Variants in MRPS31 observed in about 807,000 individuals in gnomAD.
MRPS31 encodes the protein small ribosomal subunit protein mS31.
Under a neutral mutation model 43.1 loss-of-function variants are expected in MRPS31, and 32 were observed. The observed-to-expected ratio is 0.74, with a 90% CI of 0.56 to 1.00. The LOEUF (loss-of-function observed/expected upper bound fraction) is 1.00. MRPS31 is among the 50% of genes least tolerant of loss of function. The pLI is 0.00. For synonymous variants in MRPS31, 165 were observed against 161.6 expected, an observed-to-expected ratio of 1.02 and a Z score of -0.16; for missense variants, 437 against 466.7, an observed-to-expected ratio of 0.94 and a Z score of 0.59.
intron 1 of MRPS31, 88 bp downstream of exon 1, chr13:40,770,897 T>A: frequency 6.6e-7 from 1 of 1,519,304 alleles, no homozygotes; most frequent in Non-Finnish European, 9.1e-7. Flanking sequence ...TTTAAAGCAA[T>A]AGCTTCTAAG....
intron 6 of MRPS31, among the ~76,000 whole-genome samples, chr13:40,736,531 G>C (rs1879913937): frequency 6.8e-6 from 1 of 146,312 alleles, no homozygotes; most frequent in Non-Finnish European, 1.5e-5. Context: ...CAGCCAGAGA[G>C]AAAGGTAGGG....
intron 3 of MRPS31, among the ~76,000 whole-genome samples, chr13:40,757,531 G>T (rs1039122759): frequency 7.2e-6 from 1 of 139,634 alleles, no homozygotes; most frequent in African/African-American, 2.7e-5. Context: ...TGCAACCTCT[G>T]CCTCCCGGGT....
At chr13:40,735,474 G>C (rs1308241680) in intron 6 of MRPS31, among the ~76,000 whole-genome samples, 1 of 152,122 alleles carries the variant, frequency 6.6e-6, no homozygotes, top group Non-Finnish European at 1.5e-5. Context: ...CACCTCTGGG[G>C]GCAGGGCGCA....
intron 2 of MRPS31, among the ~76,000 whole-genome samples, chr13:40,764,850 A>G (rs1880799066): frequency 6.6e-6 from 1 of 152,248 alleles, no homozygotes; most frequent in Admixed American, 6.5e-5. Flanking sequence ...ACTGTGTTCT[A>G]GTCAAATCGC....
At chr13:40,756,296 A>G (rs1173855815) in intron 4 of MRPS31, among the ~76,000 whole-genome samples, 1 of 152,266 alleles carries the variant, frequency 6.6e-6, no homozygotes, top group Non-Finnish European at 1.5e-5. Context: ...ATGCAAATAC[A>G]GAACAACTTT....
chr13:40,771,137 C>T lies in MRPS31; in HGVS notation c.-1G>A. On this transcript the variant is annotated 5_prime_UTR_variant, in exon 1 of 7. Coordinates refer to ENST00000323563, the MANE Select transcript of MRPS31 (RefSeq NM_005830.4). ...GGAACGTCGAGACTCTAGGAAACAT[C>T]GCCGAGACACGAAATGAACCAAGAA... 6.3e-7 allele frequency: 1 copy of T among 1,597,252 alleles called. No homozygotes were observed. Among genetic ancestry groups the T allele is most frequent in the Non-Finnish European group, 8.5e-7 (1 of 1,169,900 alleles).
chr13:40,758,456 ATACT>A (rs146106206), intron 3 of MRPS31, among the ~76,000 whole-genome samples: 4,664 of 152,288 alleles, frequency 0.031, 325 homozygotes, highest in East Asian at 0.27. Flanking sequence ...ACTGCTTACT[ATACT>A]TACTACTTAA....
chr13:40,757,611 A>AT (rs1351213246), intron 3 of MRPS31, among the ~76,000 whole-genome samples: 1 of 151,114 alleles, frequency 6.6e-6, no homozygotes, highest in Admixed American at 6.6e-5. Flanking sequence ...TGCCAGGCTA[A>AT]TTTTTTGTGT....
At chr13:40,763,870 C>T (rs907196053) in intron 2 of MRPS31, among the ~76,000 whole-genome samples, 1 of 152,158 alleles carries the variant, frequency 6.6e-6, no homozygotes, top group African/African-American at 2.4e-5. Context: ...GGCAAGAAAC[C>T]CAGGCCACAT....
At chr13:40,750,747 TATATATATATATATATATATATATATTAC>T (rs1196381493) in intron 5 of MRPS31, among the ~76,000 whole-genome samples, 3 of 75,492 alleles carry the variant, frequency 4.0e-5, no homozygotes, top group South Asian at 8.5e-4. Context: ...CCATTTTATA[TATATATATATATATATATATATATATTAC>T]ATATATATGT....
intron 1 of MRPS31, 151 bp downstream of exon 1, chr13:40,770,834 A>C (rs1880985658): frequency 1.0e-6 from 1 of 1,003,848 alleles, no homozygotes; most frequent in Non-Finnish European, 1.5e-6. Context: ...TTTCACGCAC[A>C]CTATGACCTT....
rs181371700 is a variant in MRPS31, at chr13:40,761,415, T to C, written c.441-2309A>G. 3.8e-3 allele frequency among the ~76,000 whole-genome samples: 578 copies of C among 152,366 alleles called. 1 individual carries two copies. Among genetic ancestry groups the C allele is most frequent in the Non-Finnish European group, 6.7e-3 (459 of 68,036 alleles). On this transcript the variant is annotated intron_variant, in intron 2 of 6. Transcript: ENST00000323563. ...TGTGAACTTCATTTTCAAATTTTAATATATTTGATCAAAGTATACACAGAA... is the reference window on the plus strand; with the variant it reads ...TGTGAACTTCATTTTCAAATTTTAACATATTTGATCAAAGTATACACAGAA...
intron 1 of MRPS31, 49 bp downstream of exon 1, chr13:40,770,936 G>A (rs1880989013): frequency 6.2e-7 from 1 of 1,612,362 alleles, no homozygotes. Flanking sequence ...TCGACCCCAG[G>A]AAGTCGGAGG....
chr13:40,736,637 A>G (rs1427302288), intron 6 of MRPS31, among the ~76,000 whole-genome samples: 1 of 150,696 alleles, frequency 6.6e-6, no homozygotes, highest in Non-Finnish European at 1.5e-5. Context: ...GAACATTCTT[A>G]AAGAAAAGAA....
chr13:40,737,683 G>T (rs949439292), intron 6 of MRPS31, among the ~76,000 whole-genome samples: 5 of 152,152 alleles, frequency 3.3e-5, no homozygotes, highest in Non-Finnish European at 7.3e-5. Context: ...GCTCTTCAAT[G>T]ACTACTGGGT....
intron 2 of MRPS31, among the ~76,000 whole-genome samples, chr13:40,763,695 G>A (rs1416356362): frequency 6.6e-6 from 1 of 152,128 alleles, no homozygotes; most frequent in Non-Finnish European, 1.5e-5. Context: ...CATCAAAAGG[G>A]AGATCTATCT....
At position 40,753,120 on chromosome 13, in the gene MRPS31, T is replaced by C. The variant is rs74044572; in HGVS notation, c.814+899A>G. Among the ~76,000 whole-genome samples, 1,351 of 152,356 alleles carry C rather than the reference T, an allele frequency of 8.9e-3. 23 individuals are homozygous for C. The highest frequency in any genetic ancestry group is 0.03 in the African/African-American group (1,267 of 41,578). On this transcript the variant is annotated intron_variant, in intron 5 of 6. Transcript: ENST00000323563. The stretch of plus-strand genomic sequence containing the variant: ...TTCTTCATTTATTTTACTAGTAAAC[T>C]AAATTTAATGTCAAGCAAGAGGACA...
rs1243159447 is a variant in MRPS31, at chr13:40,770,951, A to T, written c.152+34T>A. 4 of 1,613,846 alleles carry T rather than the reference A, an allele frequency of 2.5e-6. No homozygotes were observed. In the South Asian group the frequency reaches 4.4e-5, roughly 18 times the overall value. ...TCGACCCCAGGAAGTCGGAGGATGT[A>T]CAGGACGGGGCACGGGGTTGCCTGA... On this transcript the variant is annotated intron_variant, in intron 1 of 6. Coordinates refer to ENST00000323563, the MANE Select transcript of MRPS31 (RefSeq NM_005830.4).
At chr13:40,747,845 A>C (rs537464048) in intron 6 of MRPS31, among the ~76,000 whole-genome samples, 5 of 152,342 alleles carry the variant, frequency 3.3e-5, no homozygotes, top group African/African-American at 9.6e-5. Context: ...TCCATCTCAA[A>C]AAACAAAAAC....
Sources: gnomAD v4.1 joint callset for allele counts (sites outside exome capture counted in the v4.1 genomes callset) on GRCh38, gnomAD v4.1.1 for gene constraint, MANE v1.5 for transcripts, NCBI Gene and HGNC (gene_info 2026-07-23, HGNC 2026-07-21) for gene names.